Variants in TMEM117 observed in about 807,000 individuals in gnomAD.
TMEM117 encodes the protein transmembrane protein 117.
A neutral mutation model predicts 52.4 loss-of-function variants in TMEM117; 27 were observed. That is an observed-to-expected ratio of 0.51 (90% confidence interval 0.38 to 0.71). The LOEUF (loss-of-function observed/expected upper bound fraction) is 0.71. TMEM117 is among the 30% of genes least tolerant of loss of function. TMEM117 has a pLI of 0.00. For missense variants in TMEM117, 556 were observed against 630.5 expected (o/e 0.88, Z 1.26); for synonymous variants, 215 against 206.3 (o/e 1.04, Z -0.36).
chr12:44,345,998 A>G (rs1318403965), intron 6 of TMEM117, among the ~76,000 whole-genome samples: 1 of 152,120 alleles, frequency 6.6e-6, no homozygotes. Context: ...CTTTTAAAAG[A>G]TGAAGAAATT....
intron 2 of TMEM117, among the ~76,000 whole-genome samples, chr12:43,877,891 A>ACACT (rs1491561107): frequency 3.2e-5 from 1 of 31,196 alleles, no homozygotes; most frequent in African/African-American, 1.4e-4. Flanking sequence ...TAAAAACAAA[A>ACACT]CACACACACA....
chr12:43,970,085 G>C (rs901309663), intron 3 of TMEM117, among the ~76,000 whole-genome samples: 1 of 152,066 alleles, frequency 6.6e-6, no homozygotes, highest in African/African-American at 2.4e-5. Context: ...CCTGGGATGT[G>C]AATCATCCCT....
intron 3 of TMEM117, among the ~76,000 whole-genome samples, chr12:44,067,319 A>T (rs1213894489): frequency 6.6e-6 from 1 of 152,150 alleles, no homozygotes; most frequent in African/African-American, 2.4e-5. Context: ...TCTTAATGTC[A>T]TCTAGAATGG....
At chr12:44,384,308 A>C (rs534189909) in intron 7 of TMEM117, among the ~76,000 whole-genome samples, 1 of 152,266 alleles carries the variant, frequency 6.6e-6, no homozygotes, top group Non-Finnish European at 1.5e-5. Flanking sequence ...AGCAGCTTCA[A>C]GTTTCAGCTG....
intron 3 of TMEM117, among the ~76,000 whole-genome samples, chr12:44,061,681 A>G: frequency 6.6e-6 from 1 of 152,122 alleles, no homozygotes; most frequent in Non-Finnish European, 1.5e-5. Context: ...TGAGATTTAT[A>G]TCAATGTTAG....
chr12:44,057,691 C>G (rs1947078747), intron 3 of TMEM117, among the ~76,000 whole-genome samples: 1 of 151,688 alleles, frequency 6.6e-6, no homozygotes, highest in Non-Finnish European at 1.5e-5. Flanking sequence ...TGTTGAGGGA[C>G]AACCCAAAGA....
At chr12:44,042,445 G>A (rs1415472686) in intron 3 of TMEM117, among the ~76,000 whole-genome samples, 3 of 151,946 alleles carry the variant, frequency 2.0e-5, no homozygotes, top group Non-Finnish European at 4.4e-5. Context: ...TATTGATCCT[G>A]GGTGTGTCTG....
At position 44,308,456 on chromosome 12, in the gene TMEM117, C is replaced by T. The variant is rs1950930839; in HGVS notation, c.768+8717C>T. ...GCTACTTGTCATTGTCTCACTTGTA[C>T]CCAGTAAAAAAAAGTGCAGCATTGA... On this transcript the variant is annotated intron_variant, in intron 6 of 7. Coordinates refer to ENST00000266534, the MANE Select transcript of TMEM117 (RefSeq NM_032256.3). Among the ~76,000 whole-genome samples, 6 of 151,932 alleles carry T rather than the reference C, an allele frequency of 3.9e-5. No homozygotes were observed. In the South Asian group the frequency reaches 1.2e-3, roughly 32 times the overall value.
At chr12:44,226,011 A>G (rs1949855926) in intron 5 of TMEM117, among the ~76,000 whole-genome samples, 1 of 152,216 alleles carries the variant, frequency 6.6e-6, no homozygotes, top group African/African-American at 2.4e-5. Flanking sequence ...AAACAGTTTT[A>G]AACACCCATA....
At chr12:43,991,962 C>A (rs1018008732) in intron 3 of TMEM117, among the ~76,000 whole-genome samples, 1 of 152,018 alleles carries the variant, frequency 6.6e-6, no homozygotes, top group African/African-American at 2.4e-5. Flanking sequence ...GAGTTTGAGA[C>A]CAGCCTGGGC....
At chr12:43,821,114 G>C in the TMEM117 span, among the ~76,000 whole-genome samples, 1 of 141,396 alleles carries the variant, frequency 7.1e-6, no homozygotes, top group Admixed American at 7.1e-5. Context: ...AAAAAAAAAA[G>C]AAAAAAAAAG....
At chr12:44,328,513 G>A (rs985304526) in intron 6 of TMEM117, among the ~76,000 whole-genome samples, 1 of 152,108 alleles carries the variant, frequency 6.6e-6, no homozygotes, top group Non-Finnish European at 1.5e-5. Flanking sequence ...CCTTCGTTCA[G>A]CTACTTTTAG....
chr12:44,132,187 GTTT>G (rs536269311), intron 3 of TMEM117, among the ~76,000 whole-genome samples: 16 of 133,388 alleles, frequency 1.2e-4, no homozygotes, highest in Middle Eastern at 3.8e-3. Context: ...GGCTGCTCAG[GTTT>G]TTTTTTTTTT....
chr12:43,814,886 A>G, the TMEM117 span, among the ~76,000 whole-genome samples: 3,449 of 151,944 alleles, frequency 0.023, 69 homozygotes, highest in East Asian at 0.074. Context: ...CTGGGATTAC[A>G]GGCACCCGCC....
chr12:44,245,039 A>C (rs1950111780), intron 5 of TMEM117, among the ~76,000 whole-genome samples: 1 of 151,904 alleles, frequency 6.6e-6, no homozygotes, highest in Non-Finnish European at 1.5e-5. Context: ...GTTCTGTTCC[A>C]TTGGTTGGTG....
chr12:44,243,096 G>A (rs1292813823), intron 5 of TMEM117, among the ~76,000 whole-genome samples: 1 of 151,694 alleles, frequency 6.6e-6, no homozygotes, highest in Non-Finnish European at 1.5e-5. Context: ...ACTTCTTAAT[G>A]GGGTTGTTTG....
chr12:43,816,493 A>C, the TMEM117 span, among the ~76,000 whole-genome samples: 1 of 150,138 alleles, frequency 6.7e-6, no homozygotes, highest in Admixed American at 6.6e-5. Context: ...CTCACCTCCT[A>C]TCCACTACTC....
chr12:44,304,883 C>A (rs754014985), intron 6 of TMEM117, among the ~76,000 whole-genome samples: 1 of 152,158 alleles, frequency 6.6e-6, no homozygotes, highest in Non-Finnish European at 1.5e-5. Flanking sequence ...CCCAAACATC[C>A]CCACCTGTGG....
At chr12:44,012,699 C>T (rs1431296049) in intron 3 of TMEM117, among the ~76,000 whole-genome samples, 1 of 152,098 alleles carries the variant, frequency 6.6e-6, no homozygotes, top group African/African-American at 2.4e-5. Flanking sequence ...CTTATGTTAT[C>T]CATCTGTTCT....
Sources: allele counts gnomAD v4.1 joint callset (sites outside exome capture counted in the v4.1 genomes callset), GRCh38; gene constraint gnomAD v4.1.1; transcripts MANE v1.5; gene names NCBI Gene and HGNC (gene_info 2026-07-23, HGNC 2026-07-21).